USO1: variants seen among roughly 807,000 people sequenced by gnomAD.
USO1 encodes the protein general vesicular transport factor p115.
A neutral mutation model predicts 124.5 loss-of-function variants in USO1; 57 were observed. The ratio of observed to expected loss-of-function variants is 0.46; its 90% CI spans 0.37 to 0.57. USO1 has a LOEUF of 0.57. Ranked by LOEUF, USO1 falls within the 20% of genes least tolerant of loss-of-function variation. USO1 has a pLI of 0.00. For synonymous variants in USO1, 369 were observed against 362.8 expected (o/e 1.02, Z -0.19); for missense variants, 900 against 1,040.6 (o/e 0.86, Z 1.86).
intron 1 of USO1, among the ~76,000 whole-genome samples, chr4:75,751,048 C>T (rs1443975633): frequency 2.0e-5 from 3 of 151,824 alleles, no homozygotes; most frequent in Admixed American, 6.6e-5. Context: ...ACCTACATGG[C>T]GTTCCATCAA....
chr4:75,738,258 A>G (rs1577926281), intron 1 of USO1, among the ~76,000 whole-genome samples: 1 of 149,232 alleles, frequency 6.7e-6, no homozygotes, highest in African/African-American at 2.5e-5. Context: ...GGAGTTCAAG[A>G]CCAGCCTGGC....
intron 1 of USO1, among the ~76,000 whole-genome samples, chr4:75,731,132 C>G (rs889053190): frequency 2.6e-5 from 4 of 152,146 alleles, no homozygotes; most frequent in Admixed American, 2.6e-4. Context: ...TTGGATTTGT[C>G]TACAAAGAGA....
At position 75,783,877 on chromosome 4, in the gene USO1, TAC is replaced by T. The variant is rs150082562; in HGVS notation, c.855+1021_855+1022del. ...AAAGTATTTACCAGGAGAACTTAGT[TAC>T]AGAGTCTATTTGTACTCCCAACTCA... On this transcript the variant is annotated intron_variant, in intron 9 of 23. Coordinates refer to ENST00000514213, the MANE Select transcript of USO1 (RefSeq NM_003715.4). 3.0e-3 allele frequency among the ~76,000 whole-genome samples: 450 copies of T among 152,362 alleles called. 3 individuals are homozygous for T. The highest frequency in any genetic ancestry group is 0.01 in the African/African-American group (436 of 41,590).
At chr4:75,770,618 A>G (rs1429334285) in intron 5 of USO1, 79 bp downstream of exon 5, 3 of 1,498,660 alleles carry the variant, frequency 2.0e-6, no homozygotes. Flanking sequence ...AGGAAGTAAC[A>G]TGTATATACC....
chr4:75,754,386 A>C (rs1721378513), intron 3 of USO1, among the ~76,000 whole-genome samples: 1 of 151,978 alleles, frequency 6.6e-6, no homozygotes, highest in Admixed American at 6.6e-5. Context: ...CCTGGCCCTC[A>C]ATTTCTTTTT....
At chr4:75,775,456 T>C (rs1160608811) in intron 8 of USO1, among the ~76,000 whole-genome samples, 1 of 152,130 alleles carries the variant, frequency 6.6e-6, no homozygotes, top group Non-Finnish European at 1.5e-5. Flanking sequence ...CGAGAATCAC[T>C]TGAACCCGGG....
At position 75,778,332 on chromosome 4, in the gene USO1, A is replaced by G. The variant is rs1185008488; in HGVS notation, c.676+3536A>G. Among the ~76,000 whole-genome samples the G allele has an allele frequency of 2.0e-5, 3 of 152,228 alleles. No homozygotes were observed. In the East Asian group the frequency reaches 5.8e-4, roughly 29 times the overall value. ...AAGGTAGAAAAAAGAAAACATTAAA[A>G]TCAGAGGGAAGAGAAAATATATTTA... On this transcript the variant is annotated intron_variant, in intron 8 of 23. Transcript: ENST00000514213.
intron 4 of USO1, among the ~76,000 whole-genome samples, chr4:75,766,956 A>G (rs1029407667): frequency 6.6e-6 from 1 of 152,190 alleles, no homozygotes; most frequent in Non-Finnish European, 1.5e-5. Context: ...CTGTGTTAGT[A>G]ATGTACCTCA....
Position 75,787,196 on chromosome 4 carries a change from G to C in USO1, c.990G>C (p.Leu330=), listed in dbSNP as rs1383409934. The change falls in exon 10 of 24, where the codon CTG becomes CTC. Residue 330 remains leucine (L), a synonymous_variant. Transcript: ENST00000514213. ...LMATGVPADI[L]TETINTVSEV... ...CTACTGGGGTTCCTGCTGATATCCTGACTGAGGTAAAGCAAATGAAGTCAA... is the reference window on the plus strand; with the variant it reads ...CTACTGGGGTTCCTGCTGATATCCTCACTGAGGTAAAGCAAATGAAGTCAA... 1.4e-5 allele frequency: 21 copies of C among 1,532,662 alleles called. No homozygotes were observed. The Admixed American group carries it at 4.5e-4, about 33-fold the overall frequency. 94.9% of individuals were successfully genotyped at this position (1,532,662 alleles called of 1,614,324 possible). A position where few individuals can be genotyped will look rare whatever the true frequency, so the allele number is the denominator to read the frequency against.
At chr4:75,745,480 AGAGTATG>A in intron 1 of USO1, 1 of 400,722 alleles carries the variant, frequency 2.5e-6, no homozygotes. Context: ...CATAGGAGAA[AGAGTATG>A]GACTTTGGAG....
chr4:75,745,168 T>C (rs1164298322), intron 1 of USO1, among the ~76,000 whole-genome samples: 5 of 152,214 alleles, frequency 3.3e-5, no homozygotes. Flanking sequence ...TCAGCTAGTT[T>C]AATTCTTAAA....
At chr4:75,793,442 G>A (rs1435409379) in intron 12 of USO1, among the ~76,000 whole-genome samples, 1 of 151,924 alleles carries the variant, frequency 6.6e-6, no homozygotes, top group African/African-American at 2.4e-5. Flanking sequence ...ACCATGCCCA[G>A]CCTCCACCTG....
chr4:75,790,893 C>A, intron 12 of USO1, 96 bp downstream of exon 12: 6 of 1,291,574 alleles, frequency 4.6e-6, no homozygotes, highest in Non-Finnish European at 6.0e-6. Context: ...GCCTAAAATA[C>A]TTTGCATGCT....
chr4:75,782,249 C>G (rs1249477839), intron 8 of USO1, among the ~76,000 whole-genome samples: 1 of 152,144 alleles, frequency 6.6e-6, no homozygotes, highest in Non-Finnish European at 1.5e-5. Flanking sequence ...GTCTCTGTCT[C>G]TGCTAAAGAT....
At chr4:75,800,566 T>C (rs1577970925) in intron 15 of USO1, 52 bp from the exon 16 acceptor site, 14 of 1,529,706 alleles carry the variant, frequency 9.2e-6, no homozygotes, top group African/African-American at 7.0e-5. Context: ...GCTTTTATGT[T>C]TTGTTTTGAT....
chr4:75,796,401 T>C (rs947294702), intron 13 of USO1, among the ~76,000 whole-genome samples: 4 of 145,874 alleles, frequency 2.7e-5, no homozygotes, highest in African/African-American at 7.4e-5. Flanking sequence ...AATGGCACGA[T>C]CTTGGCTCAC....
intron 1 of USO1, among the ~76,000 whole-genome samples, chr4:75,734,903 A>G (rs1720745464): frequency 6.6e-6 from 1 of 150,740 alleles, no homozygotes; most frequent in Admixed American, 6.6e-5. Context: ...CAATTTTTGT[A>G]TTTTTAGTAG....
rs768305573 is a variant in USO1, at chr4:75,805,148, A to AATC, written c.2136_2138dup (p.Asn712_Gln713insHis). ...TTATGTCTGTCTAACAGGAAAAGAC[A>AATC]ATCAGCATCAAGGTTCTTACAGTGA... is the stretch of plus-strand genomic sequence containing the variant. On this transcript the variant is annotated inframe_insertion, in exon 19 of 24. Transcript: ENST00000514213. The AATC allele has an allele frequency of 6.3e-7, 1 of 1,579,360 alleles. No homozygotes were observed. The highest frequency in any genetic ancestry group is 8.6e-7 in the Non-Finnish European group (1 of 1,167,858).
intron 4 of USO1, among the ~76,000 whole-genome samples, chr4:75,768,629 C>G (rs1438885438): frequency 1.3e-5 from 2 of 152,038 alleles, no homozygotes; most frequent in Non-Finnish European, 2.9e-5. Flanking sequence ...TTTCTTTTTC[C>G]TGCCTTATGG....
Sources: gnomAD v4.1 joint callset for allele counts (sites outside exome capture counted in the v4.1 genomes callset) on GRCh38, gnomAD v4.1.1 for gene constraint, MANE v1.5 for transcripts, NCBI Gene and HGNC (gene_info 2026-07-23, HGNC 2026-07-21) for gene names.